The following BACH1 variants were observed in gnomAD, a reference collection of about 807,000 sequenced individuals.
BACH1 encodes the protein transcription regulator protein BACH1.
Under a neutral mutation model 52.9 loss-of-function variants are expected in BACH1, and 35 were observed. The observed-to-expected ratio is 0.66, with a 90% CI of 0.51 to 0.88. The LOEUF is 0.88. Ranked by LOEUF, BACH1 falls within the 40% of genes least tolerant of loss-of-function variation. The pLI is 0.00. For synonymous variants in BACH1, 321 were observed against 319.6 expected, an observed-to-expected ratio of 1.00 and a Z score of -0.05; for missense variants, 808 against 872.6, an observed-to-expected ratio of 0.93 and a Z score of 0.93.
chr21:29,343,042 A>G lies in BACH1; in HGVS notation c.*209A>G, dbSNP rs2123477423. The G allele has an allele frequency of 2.1e-6, 1 of 478,274 alleles. No homozygotes were observed. Among genetic ancestry groups the G allele is most frequent in the African/African-American group, 1.9e-5 (1 of 52,220 alleles). 29.6% of individuals were successfully genotyped at this position (478,274 alleles called of 1,614,324 possible). A position where few individuals can be genotyped will look rare whatever the true frequency, so the allele number is the denominator to read the frequency against. On this transcript the variant is annotated 3_prime_UTR_variant, in exon 5 of 5. Transcript: ENST00000286800. Reference sequence around the variant, plus strand: ...ATTTTGCCTCCTGGATATCAGAAAAATCCATGTGAAAATGTAGTAAACCTT... The same window carrying G: ...ATTTTGCCTCCTGGATATCAGAAAAGTCCATGTGAAAATGTAGTAAACCTT...
chr21:29,299,246 C>T (rs891984152), intron 1 of BACH1, among the ~76,000 whole-genome samples: 1 of 150,796 alleles, frequency 6.6e-6, no homozygotes, highest in African/African-American at 2.4e-5. Flanking sequence ...TTACCCGGGG[C>T]GGGCGGGGGC....
intron 2 of BACH1, 130 bp downstream of exon 2, chr21:29,321,644 CCT>C: frequency 2.9e-6 from 2 of 682,372 alleles, no homozygotes; most frequent in South Asian, 3.2e-5. Context: ...CTGTGCAACC[CCT>C]TTTTTTTTTT....
intron 2 of BACH1, among the ~76,000 whole-genome samples, chr21:29,357,715 G>A (rs1379751163): frequency 6.6e-6 from 1 of 152,194 alleles, no homozygotes; most frequent in African/African-American, 2.4e-5. Flanking sequence ...GTTGCCCCAT[G>A]AGTCTGAGTA....
Position 29,319,316 on chromosome 21 carries a change from G to A in BACH1, c.-60-1905G>A, listed in dbSNP as rs370370820. On this transcript the variant is annotated intron_variant, in intron 1 of 4. Transcript: ENST00000286800. ...CTATGAGACAGGGTCTTAAGAGAAG[G>A]TATTGGATCCCAGAGAAGCAGGCAT... Among the ~76,000 whole-genome samples the A allele has an allele frequency of 1.2e-4, 19 of 152,258 alleles. No individual in the cohort carries two copies. The East Asian group carries it at 3.7e-3, about 29-fold the overall frequency.
chr21:29,324,266 C>T (rs1487505052), intron 2 of BACH1, among the ~76,000 whole-genome samples: 12 of 150,754 alleles, frequency 8.0e-5, no homozygotes, highest in Admixed American at 7.3e-4. Context: ...ACTGAACTTG[C>T]CAACACAAAG....
downstream of BACH1, among the ~76,000 whole-genome samples, chr21:29,350,439 G>C (rs191859147): frequency 3.7e-4 from 56 of 152,330 alleles, no homozygotes; most frequent in Non-Finnish European, 6.3e-4. Flanking sequence ...GTAGCTTAGC[G>C]TGAGAGCCTA....
intron 2 of BACH1, among the ~76,000 whole-genome samples, chr21:29,360,531 C>T (rs1342779056): frequency 6.6e-6 from 1 of 152,128 alleles, no homozygotes; most frequent in Non-Finnish European, 1.5e-5. Flanking sequence ...GTCAGTGAGG[C>T]TCCCCTGACT....
At chr21:29,360,995 T>C (rs1169992778) in intron 2 of BACH1, 1 of 152,278 alleles carries the variant, frequency 6.6e-6, no homozygotes, top group African/African-American at 2.4e-5. Flanking sequence ...GCTTGTTTAC[T>C]TAGTCTAGTG....
chr21:29,357,174 C>T (rs989300698), intron 2 of BACH1, among the ~76,000 whole-genome samples: 7 of 152,184 alleles, frequency 4.6e-5, no homozygotes, highest in Admixed American at 1.3e-4. Context: ...TTCTAAGGCT[C>T]GGGTCAGTGC....
At chr21:29,342,370 C>A in intron 4 of BACH1, 29 bp from the exon 5 acceptor site, 1 of 1,584,600 alleles carries the variant, frequency 6.3e-7, no homozygotes. Context: ...TAAACACAAG[C>A]CATTGTGTTC....
chr21:29,346,063 C>T lies in BACH1; in HGVS notation c.*3230C>T, dbSNP rs2089165886. On this transcript the variant is annotated 3_prime_UTR_variant, in exon 5 of 5. Coordinates refer to ENST00000286800, the MANE Select transcript of BACH1 (RefSeq NM_001186.4). ...TTTACATTTCTCCCTAATGTTCTTA[C>T]CCAAATGTACCTGAACTAAAAAATG... 6.6e-6 allele frequency: 1 copy of T among 152,496 alleles called. No homozygotes were observed. Among genetic ancestry groups the T allele is most frequent in the African/African-American group, 2.4e-5 (1 of 41,394 alleles). The allele number at this position is 152,496 out of a possible 1,614,324, so 9.4% of individuals were successfully genotyped here.
At chr21:29,309,225 T>C (rs532756674) in intron 1 of BACH1, among the ~76,000 whole-genome samples, 2 of 146,208 alleles carry the variant, frequency 1.4e-5, no homozygotes, top group African/African-American at 5.1e-5. Flanking sequence ...GCCACTGCAC[T>C]CCAGCCTGGG....
At position 29,323,759 on chromosome 21, in the gene BACH1, CAG is replaced by C. The variant is rs1192726135; in HGVS notation, c.234+2248_234+2249del. Among the ~76,000 whole-genome samples the C allele has an allele frequency of 9.2e-5, 14 of 152,194 alleles. 1 individual carries two copies. Among genetic ancestry groups the C allele is most frequent in the Non-Finnish European group, 4.4e-5 (3 of 68,030 alleles). ...TCATGTACAGATGTAAGAAACAATG[CAG>C]AGTTCCTTTTCACTTTGTCCAGTGT... On this transcript the variant is annotated intron_variant, in intron 2 of 4. Coordinates refer to ENST00000286800, the MANE Select transcript of BACH1 (RefSeq NM_001186.4).
intron 1 of BACH1, chr21:29,305,296 A>G (rs1010277674): frequency 6.6e-6 from 1 of 152,222 alleles, no homozygotes; most frequent in Non-Finnish European, 1.5e-5. Flanking sequence ...AGAGAAGTCA[A>G]AGGAAATGCT....
At chr21:29,324,324 T>C (rs1049345976) in intron 2 of BACH1, among the ~76,000 whole-genome samples, 1 of 149,732 alleles carries the variant, frequency 6.7e-6, no homozygotes, top group Non-Finnish European at 1.5e-5. Flanking sequence ...CTGCCTACAC[T>C]CCATGCCCTC....
chr21:29,322,670 C>T (rs539580208), intron 2 of BACH1, among the ~76,000 whole-genome samples: 1 of 152,264 alleles, frequency 6.6e-6, no homozygotes, highest in South Asian at 2.1e-4. Context: ...GTGGGATATT[C>T]CCAGTTGGAT....
chr21:29,307,109 G>T (rs1256862261), intron 1 of BACH1, among the ~76,000 whole-genome samples: 2 of 152,114 alleles, frequency 1.3e-5, no homozygotes, highest in Non-Finnish European at 2.9e-5. Context: ...GGCCAGCCTG[G>T]CTCAGATAGA....
intron 1 of BACH1, among the ~76,000 whole-genome samples, chr21:29,317,797 G>A (rs2088805389): frequency 6.6e-6 from 1 of 152,162 alleles, no homozygotes; most frequent in Non-Finnish European, 1.5e-5. Context: ...ACCAAGCACT[G>A]TGCTGTGAAC....
chr21:29,302,589 AG>A (rs1362763665), intron 1 of BACH1, among the ~76,000 whole-genome samples: 1 of 152,226 alleles, frequency 6.6e-6, no homozygotes, highest in Non-Finnish European at 1.5e-5. Context: ...GGGTGGTGAT[AG>A]TAGAATCTGT....
Sources: allele counts gnomAD v4.1 joint callset (sites outside exome capture counted in the v4.1 genomes callset), GRCh38; gene constraint gnomAD v4.1.1; transcripts MANE v1.5; gene names NCBI Gene and HGNC (gene_info 2026-07-23, HGNC 2026-07-21).